Variants in ECPAS observed in about 807,000 individuals in gnomAD.
ECPAS encodes Ecm29 proteasome adaptor and scaffold.
Under a neutral mutation model 255.1 loss-of-function variants are expected in ECPAS, and 70 were observed. The observed-to-expected ratio is 0.27, with a 90% CI of 0.23 to 0.33. The LOEUF is 0.33. ECPAS is among the 10% of genes least tolerant of loss of function. The pLI is 1.00. For synonymous variants in ECPAS, 784 were observed against 775.0 expected (o/e 1.01, Z -0.19); for missense variants, 1,817 against 2,206.4 (o/e 0.82, Z 3.54).
chr9:111,381,067 C>G (rs1245835944), intron 35 of ECPAS, among the ~76,000 whole-genome samples: 4 of 152,220 alleles, frequency 2.6e-5, no homozygotes, highest in Non-Finnish European at 4.4e-5. Flanking sequence ...AAGAACATTT[C>G]CTTTACATTC....
At chr9:111,376,635 G>A (rs2131534674) in intron 36 of ECPAS, 94 bp from the exon 37 acceptor site, 1 of 908,774 alleles carries the variant, frequency 1.1e-6, no homozygotes, top group South Asian at 1.5e-5. Context: ...CCAAGCTAAA[G>A]AACTTTAAAA....
At chr9:111,363,365 T>C (rs2098116273) in intron 49 of ECPAS, among the ~76,000 whole-genome samples, 2 of 152,158 alleles carry the variant, frequency 1.3e-5, no homozygotes, top group Non-Finnish European at 2.9e-5. Context: ...TTAAGACAAC[T>C]ATAGCTTAAT....
At chr9:111,440,023 T>A (rs1019584518) in intron 6 of ECPAS, among the ~76,000 whole-genome samples, 1 of 150,108 alleles carries the variant, frequency 6.7e-6, no homozygotes, top group Admixed American at 6.7e-5. Flanking sequence ...ATAGTAAATT[T>A]AAAAGAGAAA....
At chr9:111,398,432 T>C (rs1427195969) in intron 24 of ECPAS, among the ~76,000 whole-genome samples, 1 of 152,186 alleles carries the variant, frequency 6.6e-6, no homozygotes, top group Non-Finnish European at 1.5e-5. Context: ...TAATATACTA[T>C]CTGGACATTG....
At chr9:111,440,017 T>C (rs1410196174) in intron 6 of ECPAS, among the ~76,000 whole-genome samples, 2 of 150,870 alleles carry the variant, frequency 1.3e-5, no homozygotes, top group Non-Finnish European at 1.5e-5. Context: ...GCATTAATAG[T>C]AAATTTAAAA....
intron 2 of ECPAS, among the ~76,000 whole-genome samples, chr9:111,468,506 G>C (rs1345373024): frequency 6.6e-6 from 1 of 152,080 alleles, no homozygotes; most frequent in Non-Finnish European, 1.5e-5. Context: ...CCGAGAGAAG[G>C]AAAGGAAGAG....
chr9:111,480,502 T>C lies in ECPAS; in HGVS notation c.-83+3614A>G, dbSNP rs1382445565. 5.9e-5 allele frequency among the ~76,000 whole-genome samples: 9 copies of C among 152,044 alleles called. 1 individual carries two copies. Among genetic ancestry groups the C allele is most frequent in the African/African-American group, 2.2e-4 (9 of 41,396 alleles). On this transcript the variant is annotated intron_variant, in intron 1 of 49. Coordinates refer to ENST00000684092, the MANE Select transcript of ECPAS (RefSeq NM_001364929.1). Reference sequence around the variant, plus strand: ...TAGTAGAGACAGGGTTTCACCATGTTGGCCAGCCTGGTCTTGAACTCCTGA... The same window carrying C: ...TAGTAGAGACAGGGTTTCACCATGTCGGCCAGCCTGGTCTTGAACTCCTGA...
chr9:111,451,137 T>C (rs1020329602), intron 3 of ECPAS, among the ~76,000 whole-genome samples: 3 of 152,318 alleles, frequency 2.0e-5, no homozygotes, highest in African/African-American at 7.2e-5. Context: ...CATATTGGAA[T>C]CAATGGCATG....
At position 111,369,160 on chromosome 9, in the gene ECPAS, C is replaced by T. The variant is rs748869814; in HGVS notation, c.4988G>A (p.Ser1663Asn). 1 of 1,583,268 alleles carries T rather than the reference C, an allele frequency of 6.3e-7. No homozygotes were observed. Among genetic ancestry groups the T allele is most frequent in the South Asian group, 1.2e-5 (1 of 85,594 alleles). ...IPLIKKNSLE[S>N]SGVRTTKNEE... Reference sequence around the variant, plus strand: ...ATTTTTGGTTGTCCGGACCCCACTGCTTTCAAGTGAGTTCTAGGATATATC... The same window carrying T: ...ATTTTTGGTTGTCCGGACCCCACTGTTTTCAAGTGAGTTCTAGGATATATC... Residue 1663 changes from serine (S) to asparagine (N), a missense_variant, in exon 46 of 50, where the codon AGC (serine) becomes AAC (asparagine). Coordinates refer to ENST00000684092, the MANE Select transcript of ECPAS (RefSeq NM_001364929.1).
chr9:111,407,524 C>A (rs2098186973), intron 24 of ECPAS, among the ~76,000 whole-genome samples: 1 of 144,946 alleles, frequency 6.9e-6, no homozygotes, highest in African/African-American at 2.5e-5. Context: ...CAAGTGGTTA[C>A]AATGTTAATG....
At chr9:111,453,809 G>C (rs2098263458) in intron 2 of ECPAS, among the ~76,000 whole-genome samples, 1 of 152,168 alleles carries the variant, frequency 6.6e-6, no homozygotes, top group African/African-American at 2.4e-5. Context: ...CACCTGGCCA[G>C]TACTGCTCAG....
intron 1 of ECPAS, among the ~76,000 whole-genome samples, chr9:111,477,900 CTTTT>C: frequency 7.2e-6 from 1 of 138,366 alleles, no homozygotes. Flanking sequence ...TTTTTGGCAA[CTTTT>C]TTTTTTTTTT....
chr9:111,481,077 GACC>G (rs2098304216), intron 1 of ECPAS, among the ~76,000 whole-genome samples: 1 of 152,172 alleles, frequency 6.6e-6, no homozygotes, highest in South Asian at 2.1e-4. Flanking sequence ...AAAAAAATCA[GACC>G]ACCTCACACC....
At chr9:111,435,378 T>C (rs4978997) in intron 7 of ECPAS, among the ~76,000 whole-genome samples, 1 of 152,262 alleles carries the variant, frequency 6.6e-6, no homozygotes, top group Non-Finnish European at 1.5e-5. Flanking sequence ...ATTATGAAAC[T>C]GACAAAACAC....
intron 12 of ECPAS, 65 bp from the exon 13 acceptor site, chr9:111,423,313 G>A (rs1208149194): frequency 8.0e-6 from 9 of 1,119,336 alleles, no homozygotes; most frequent in Admixed American, 2.1e-5. Context: ...AAAAAATACA[G>A]TAAACAGTAA....
intron 29 of ECPAS, 144 bp from the exon 30 acceptor site, chr9:111,390,245 C>A: frequency 1.9e-6 from 1 of 525,046 alleles, no homozygotes; most frequent in Non-Finnish European, 3.4e-6. Context: ...GGAGACAGAA[C>A]ACAAGTTAGT....
chr9:111,397,144 T>C lies in ECPAS; in HGVS notation c.2662A>G (p.Ile888Val), dbSNP rs1340637633. 5.6e-6 allele frequency: 9 copies of C among 1,613,750 alleles called. No individual in the cohort carries two copies. Among genetic ancestry groups the C allele is most frequent in the Middle Eastern group, 1.6e-4 (1 of 6,084 alleles). ...TCGCCAATAGTGAACTGAAGTTCTA[T>C]CTGCTTGGCCTGCAACGAAGGAAGT... ...GLMDSVEAKQ[I>V]ELQFTIGEAI... The change falls in exon 25 of 50, where the codon ATA becomes GTA. Residue 888 changes from isoleucine (I) to valine (V), a missense_variant. Ile to Val is a conservative substitution (Grantham distance 29). This residue lies in a region of ECPAS where 960 missense variants were observed against 1,179.0 expected (regional missense o/e 0.81). Transcript: ENST00000684092.
chr9:111,444,200 C>T (rs904072189), intron 4 of ECPAS, among the ~76,000 whole-genome samples, 178 bp downstream of exon 4: 3 of 151,898 alleles, frequency 2.0e-5, no homozygotes, highest in African/African-American at 4.8e-5. Flanking sequence ...GCAGCATTTC[C>T]TCTGGATTGG....
chr9:111,421,783 G>A, intron 15 of ECPAS, 138 bp downstream of exon 15: 2 of 1,020,282 alleles, frequency 2.0e-6, no homozygotes, highest in Non-Finnish European at 2.8e-6. Context: ...TCATCATGAA[G>A]AATTAAAAAT....
Sources: gnomAD v4.1 joint callset for allele counts (sites outside exome capture counted in the v4.1 genomes callset) on GRCh38, gnomAD v4.1.1 for gene constraint, gnomAD v4.1.1 regional missense constraint, MANE v1.5 for transcripts, NCBI Gene and HGNC (gene_info 2026-07-23, HGNC 2026-07-21) for gene names.